VOPP1: variants seen among roughly 807,000 people sequenced by gnomAD.
VOPP1 encodes WW domain binding protein VOPP1.
A neutral mutation model predicts 23.5 loss-of-function variants in VOPP1; 8 were observed. The observed-to-expected ratio is 0.34, with a 90% confidence interval of 0.20 to 0.61. VOPP1 has a LOEUF of 0.61. Among genes scored for constraint, VOPP1 ranks in the 20% least tolerant of loss-of-function variants. VOPP1 has a pLI of 0.78. For synonymous variants in VOPP1, 83 were observed against 97.3 expected, an observed-to-expected ratio of 0.85 and a Z score of 0.86; for missense variants, 174 against 238.1, an observed-to-expected ratio of 0.73 and a Z score of 1.77.
intron 4 of VOPP1, among the ~76,000 whole-genome samples, chr7:55,437,237 C>A (rs367572430): frequency 5.8e-4 from 88 of 152,284 alleles, no homozygotes; most frequent in African/African-American, 1.9e-3. Flanking sequence ...GGCCTGGCTC[C>A]CGAGGAGTCC....
intron 1 of VOPP1, among the ~76,000 whole-genome samples, chr7:55,531,223 A>T (rs754485031): frequency 1.3e-5 from 2 of 152,252 alleles, no homozygotes; most frequent in Non-Finnish European, 2.9e-5. Flanking sequence ...ACAGATAGAA[A>T]TATCAGTGCT....
intron 1 of VOPP1, among the ~76,000 whole-genome samples, chr7:55,523,841 G>A (rs985522733): frequency 6.6e-6 from 1 of 152,124 alleles, no homozygotes; most frequent in Non-Finnish European, 1.5e-5. Context: ...GGGTGGGTGG[G>A]GTGAAGTGGA....
In VOPP1 at chr7:55,460,853, T is replaced by C. The variant is rs78702197; in HGVS notation, n.418-24679A>G. ...GAATATCTTTTTCCATCCTTCACTTTCAGTCTGTATGTGTCTTTACAAGTG... is the reference window on the plus strand; with the variant it reads ...GAATATCTTTTTCCATCCTTCACTTCCAGTCTGTATGTGTCTTTACAAGTG... On this transcript the variant is annotated intron_variant and non_coding_transcript_variant, in intron 4 of 4. Coordinates refer to the VOPP1 transcript ENST00000462326. Among the ~76,000 whole-genome samples the C allele has an allele frequency of 7.2e-4, 110 of 152,352 alleles. 1 individual carries two copies. The East Asian group carries it at 0.02, about 27-fold the overall frequency.
At chr7:55,458,659 T>C (rs1791427607) in intron 4 of VOPP1, among the ~76,000 whole-genome samples, 1 of 152,156 alleles carries the variant, frequency 6.6e-6, no homozygotes, top group Admixed American at 6.5e-5. Context: ...TTAATTATTG[T>C]AAATGGGATT....
intron 4 of VOPP1, among the ~76,000 whole-genome samples, chr7:55,452,184 C>G (rs1229926642): frequency 1.3e-5 from 2 of 152,156 alleles, no homozygotes; most frequent in African/African-American, 2.4e-5. Flanking sequence ...GGAGTAGATT[C>G]CATTTCAAGA....
chr7:55,569,157 A>C (rs1798262661), intron 1 of VOPP1, among the ~76,000 whole-genome samples: 1 of 152,238 alleles, frequency 6.6e-6, no homozygotes, highest in Admixed American at 6.5e-5. Flanking sequence ...CAGTCCAGTA[A>C]TGAGCTTCCA....
At chr7:55,479,394 T>C (rs1180697624) in intron 4 of VOPP1, among the ~76,000 whole-genome samples, 1 of 140,358 alleles carries the variant, frequency 7.1e-6, no homozygotes, top group Non-Finnish European at 1.5e-5. Context: ...ACAACAGAGG[T>C]GTTGCCAGCT....
chr7:55,561,333 C>T (rs1797977763), intron 1 of VOPP1, among the ~76,000 whole-genome samples: 1 of 152,140 alleles, frequency 6.6e-6, no homozygotes, highest in Non-Finnish European at 1.5e-5. Flanking sequence ...CTAACCTCTA[C>T]ACCCAAGCTC....
At chr7:55,522,674 G>A (rs1324128999) in intron 1 of VOPP1, among the ~76,000 whole-genome samples, 2 of 152,100 alleles carry the variant, frequency 1.3e-5, no homozygotes, top group South Asian at 2.1e-4. Context: ...TGAGGCCAGG[G>A]AACATCAGAA....
At chr7:55,505,485 C>G (rs973773144) in intron 2 of VOPP1, among the ~76,000 whole-genome samples, 39 of 151,900 alleles carry the variant, frequency 2.6e-4, no homozygotes, top group African/African-American at 9.0e-4. Flanking sequence ...AGGTGACAGC[C>G]CATGAGCTCA....
chr7:55,436,594 T>TTGTGCATGAGTGTG (rs542046870), intron 4 of VOPP1, among the ~76,000 whole-genome samples: 1 of 148,812 alleles, frequency 6.7e-6, no homozygotes, highest in African/African-American at 2.4e-5. Flanking sequence ...TTTCAGACAA[T>TTGTGCATGAGTGTG]TGTGCATGAG....
chr7:55,557,479 C>T (rs576081105), intron 1 of VOPP1, among the ~76,000 whole-genome samples: 1 of 150,592 alleles, frequency 6.6e-6, no homozygotes, highest in African/African-American at 2.4e-5. Context: ...AAAAAAAGGA[C>T]TTAAAAAAAC....
intron 4 of VOPP1, among the ~76,000 whole-genome samples, chr7:55,488,082 T>C (rs1434305211): frequency 1.3e-5 from 2 of 152,160 alleles, no homozygotes; most frequent in African/African-American, 2.4e-5. Context: ...CAGGAAAACA[T>C]ATTGGTGGGA....
intron 1 of VOPP1, among the ~76,000 whole-genome samples, chr7:55,559,699 A>G (rs1454685678): frequency 6.6e-6 from 1 of 152,162 alleles, no homozygotes; most frequent in Non-Finnish European, 1.5e-5. Flanking sequence ...ATTTTTCCTG[A>G]GTCATTCCAC....
chr7:55,466,146 C>T (rs1430495226), downstream of VOPP1, among the ~76,000 whole-genome samples: 3 of 152,222 alleles, frequency 2.0e-5, no homozygotes, highest in East Asian at 1.9e-4. Flanking sequence ...GACACCGAAC[C>T]TACTGCATTC....
At chr7:55,450,238 C>A (rs1791209480) in intron 4 of VOPP1, among the ~76,000 whole-genome samples, 1 of 152,186 alleles carries the variant, frequency 6.6e-6, no homozygotes. Flanking sequence ...ACCTCCCCGA[C>A]CTGGGGGTGT....
At chr7:55,491,465 C>T (rs1793562261) in intron 4 of VOPP1, among the ~76,000 whole-genome samples, 2 of 152,176 alleles carry the variant, frequency 1.3e-5, no homozygotes, top group African/African-American at 4.8e-5. Context: ...GGGAGCATGG[C>T]GGTGCAGACA....
intron 4 of VOPP1, among the ~76,000 whole-genome samples, chr7:55,459,549 C>A (rs907260160): frequency 1.3e-5 from 2 of 152,138 alleles, no homozygotes; most frequent in Non-Finnish European, 2.9e-5. Context: ...AATCTCATTA[C>A]CAGTTATTGG....
At chr7:55,506,398 C>T (rs968306518) in intron 2 of VOPP1, among the ~76,000 whole-genome samples, 4 of 152,310 alleles carry the variant, frequency 2.6e-5, no homozygotes, top group Non-Finnish European at 4.4e-5. Context: ...TGCAGTGGCA[C>T]GATCTCGGCT....
Sources: allele counts gnomAD v4.1 joint callset (sites outside exome capture counted in the v4.1 genomes callset), GRCh38; gene constraint gnomAD v4.1.1; transcripts MANE v1.5; gene names NCBI Gene and HGNC (gene_info 2026-07-23, HGNC 2026-07-21).